The following CENPP variants were observed in gnomAD, a reference collection of about 807,000 sequenced individuals.
CENPP encodes the protein centromere protein P.
In CENPP, 24 loss-of-function variants were observed where a neutral mutation model predicts 35.6. That is an observed-to-expected ratio of 0.67 (90% confidence interval 0.49 to 0.95). The LOEUF (loss-of-function observed/expected upper bound fraction) is 0.95. Ranked by LOEUF, CENPP falls within the 40% of genes least tolerant of loss-of-function variation. The pLI, the probability that CENPP is intolerant of heterozygous loss-of-function variation, is 0.00. For synonymous variants in CENPP, 120 were observed against 125.5 expected (o/e 0.96, Z 0.29); for missense variants, 332 against 345.3 (o/e 0.96, Z 0.31).
chr9:92,405,235 G>A (rs1843272818), intron 5 of CENPP, among the ~76,000 whole-genome samples: 1 of 151,898 alleles, frequency 6.6e-6, no homozygotes, highest in Non-Finnish European at 1.5e-5. Flanking sequence ...ATTGAAATTG[G>A]CTTTTAAAAA....
At chr9:92,393,690 A>G (rs141809404) in intron 5 of CENPP, among the ~76,000 whole-genome samples, 235 of 152,178 alleles carry the variant, frequency 1.5e-3, no homozygotes, top group Non-Finnish European at 2.4e-3. Flanking sequence ...ATCCTTTAGC[A>G]CCCCAAGTCA....
intron 2 of CENPP, among the ~76,000 whole-genome samples, chr9:92,336,210 G>A (rs1840922865): frequency 1.3e-5 from 2 of 151,764 alleles, no homozygotes; most frequent in Admixed American, 1.3e-4. Flanking sequence ...GTGCAATTTT[G>A]GCAGGAAAAC....
rs1009593871 is a variant in CENPP, at chr9:92,578,206, G to A, written c.565-33108G>A. ...TCTTAATCCAGTCTATCATTGTTGGGCATTTGGGTTGGTTCCAAGTCTTTG... is the reference window on the plus strand; with the variant it reads ...TCTTAATCCAGTCTATCATTGTTGGACATTTGGGTTGGTTCCAAGTCTTTG... On this transcript the variant is annotated intron_variant, in intron 5 of 7. Coordinates refer to ENST00000375587, the MANE Select transcript of CENPP (RefSeq NM_001012267.3). Among the ~76,000 whole-genome samples, 404 of 151,990 alleles carry A rather than the reference G, an allele frequency of 2.7e-3. 2 individuals carry two copies. The highest frequency in any genetic ancestry group is 9.0e-3 in the African/African-American group (373 of 41,442).
intron 5 of CENPP, among the ~76,000 whole-genome samples, chr9:92,462,424 G>A (rs2131049441): frequency 6.6e-6 from 1 of 152,212 alleles, no homozygotes; most frequent in South Asian, 2.1e-4. Flanking sequence ...AACTGAAGCT[G>A]GAATGAAAGG....
chr9:92,497,712 A>G (rs1260281809), intron 5 of CENPP, among the ~76,000 whole-genome samples: 1 of 151,694 alleles, frequency 6.6e-6, no homozygotes, highest in African/African-American at 2.4e-5. Flanking sequence ...TGACCCCTCC[A>G]AATCTCATGT....
chr9:92,616,036 G>A lies in CENPP; in HGVS notation c.*2887G>A. ...AGGCAAACCTGGACCTCGATGAAGG[G>A]ACGACAGGCCTTTGATCAGAGCTGC... On this transcript the variant is annotated 3_prime_UTR_variant, in exon 8 of 8. Transcript: ENST00000375587. The A allele has an allele frequency of 6.2e-7, 1 of 1,614,002 alleles. No individual in the cohort carries two copies. The highest frequency in any genetic ancestry group is 1.1e-5 in the South Asian group (1 of 91,042).
intron 5 of CENPP, chr9:92,393,278 A>G: frequency 6.5e-7 from 1 of 1,535,196 alleles, no homozygotes; most frequent in Non-Finnish European, 8.8e-7. Context: ...AAATATGAAC[A>G]ATCGTTTGAA....
intron 5 of CENPP, among the ~76,000 whole-genome samples, chr9:92,508,499 A>G (rs4743873): frequency 0.37 from 56,263 of 152,102 alleles, 12,775 homozygotes; most frequent in African/African-American, 0.64. Flanking sequence ...ATAACATCTC[A>G]TTTTGATAAC....
At chr9:92,604,124 G>GT (rs1177377369) in intron 5 of CENPP, among the ~76,000 whole-genome samples, 1 of 152,214 alleles carries the variant, frequency 6.6e-6, no homozygotes, top group Non-Finnish European at 1.5e-5. Context: ...GTTCAATGTG[G>GT]TAAGAAGCTG....
At chr9:92,416,056 G>GTATATATA (rs1403964887) in intron 5 of CENPP, among the ~76,000 whole-genome samples, 19 of 83,456 alleles carry the variant, frequency 2.3e-4, no homozygotes, top group Admixed American at 5.8e-4. Context: ...TTATATATGT[G>GTATATATA]TGTATATATA....
chr9:92,532,016 T>TTTTTTG (rs1563990176), intron 5 of CENPP, among the ~76,000 whole-genome samples: 3 of 105,746 alleles, frequency 2.8e-5, no homozygotes, highest in African/African-American at 1.1e-4. Context: ...TTATTTAATG[T>TTTTTTG]TTTTTTTTTT....
chr9:92,454,743 A>G (rs1285882933), intron 5 of CENPP, among the ~76,000 whole-genome samples: 2 of 152,056 alleles, frequency 1.3e-5, no homozygotes, highest in African/African-American at 2.4e-5. Context: ...CCTACCCTTT[A>G]TAGGTGAGGA....
intron 5 of CENPP, among the ~76,000 whole-genome samples, chr9:92,453,043 A>C (rs188265443): frequency 6.6e-6 from 1 of 152,278 alleles, no homozygotes; most frequent in East Asian, 1.9e-4. Context: ...ATCCTTTCAA[A>C]AAACCAGCTC....
intron 5 of CENPP, chr9:92,474,660 G>A (rs1845641633): frequency 2.5e-6 from 4 of 1,613,560 alleles, no homozygotes; most frequent in African/African-American, 1.3e-5. Flanking sequence ...GAATAGCACT[G>A]ACATCCAAAT....
chr9:92,593,862 C>T lies in CENPP; in HGVS notation c.565-17452C>T, dbSNP rs1003545499. On this transcript the variant is annotated intron_variant, in intron 5 of 7. Transcript: ENST00000375587. The surrounding 1 kb of genome is among the most constrained non-coding windows in gnomAD (Gnocchi z 4.1). ...CTGGTAGCAGTAGATAAAGGGAACC[C>T]GGTAGAGAAGCCAAGAATATAGGTA... 7.9e-5 allele frequency among the ~76,000 whole-genome samples: 12 copies of T among 152,114 alleles called. No individual in the cohort carries two copies. The highest frequency in any genetic ancestry group is 1.5e-4 in the Non-Finnish European group (10 of 68,022).
At chr9:92,347,909 TAAGAC>T (rs1411280372) in intron 4 of CENPP, among the ~76,000 whole-genome samples, 1 of 152,126 alleles carries the variant, frequency 6.6e-6, no homozygotes, top group Non-Finnish European at 1.5e-5. Flanking sequence ...CAATTAAAAA[TAAGAC>T]AAAACTTGTT....
At chr9:92,507,218 A>C (rs976401089) in intron 5 of CENPP, among the ~76,000 whole-genome samples, 2 of 152,228 alleles carry the variant, frequency 1.3e-5, no homozygotes, top group Non-Finnish European at 1.5e-5. Context: ...GCTGAGCAAC[A>C]GGAAGTAGCC....
At position 92,516,071 on chromosome 9, in the gene CENPP, T is replaced by TC. The variant is rs1563980625; in HGVS notation, c.565-95243_565-95242insC. On this transcript the variant is annotated intron_variant, in intron 5 of 7. Transcript: ENST00000375587. ...CTGATTTCACAGTGCATACTTTTTT[T>TC]TCCCCCCCCCGAGACGGAGTCTTGC... 2.5e-4 allele frequency among the ~76,000 whole-genome samples: 35 copies of TC among 140,452 alleles called. 1 individual carries two copies. The highest frequency in any genetic ancestry group is 9.7e-4 in the East Asian group (5 of 5,138). The allele number at this position is 140,452 out of a possible 152,430, so 92.1% of individuals were successfully genotyped here. A position where few individuals can be genotyped will look rare whatever the true frequency, so the allele number is the denominator to read the frequency against.
At chr9:92,396,978 C>A (rs545201068) in intron 5 of CENPP, among the ~76,000 whole-genome samples, 3 of 151,802 alleles carry the variant, frequency 2.0e-5, no homozygotes, top group Admixed American at 2.0e-4. Flanking sequence ...GAGTTTGAGA[C>A]CAACCTGGGC....
Sources: allele counts gnomAD v4.1 joint callset (sites outside exome capture counted in the v4.1 genomes callset), GRCh38; gene constraint gnomAD v4.1.1; non-coding constraint Gnocchi (gnomAD v3.1); transcripts MANE v1.5; gene names NCBI Gene and HGNC (gene_info 2026-07-23, HGNC 2026-07-21).